The following PARD6A variants were observed in gnomAD, a reference collection of about 807,000 sequenced individuals.
PARD6A encodes par-6 family cell polarity regulator alpha, also known as partitioning defective 6 homolog alpha.
A neutral mutation model predicts 21.3 loss-of-function variants in PARD6A; 20 were observed. The ratio of observed to expected loss-of-function variants is 0.94; its 90% CI spans 0.66 to 1.36. The LOEUF (loss-of-function observed/expected upper bound fraction) is 1.36. PARD6A is among the 40% of genes most tolerant of loss of function. The probability of loss-of-function intolerance (pLI) is 0.00; values close to 1 mark genes in which losing one functional copy is unlikely to be tolerated. For missense variants in PARD6A, 411 were observed against 482.0 expected, an observed-to-expected ratio of 0.85 and a Z score of 1.38; for synonymous variants, 214 against 204.8, an observed-to-expected ratio of 1.04 and a Z score of -0.38.
In PARD6A at chr16:67,661,259, T is replaced by A; in HGVS notation, c.63+158T>A. On this transcript the variant is annotated intron_variant, in intron 1 of 2. Coordinates refer to ENST00000458121, the MANE Select transcript of PARD6A (RefSeq NM_001037281.2). The surrounding 1 kb of genome is among the most constrained non-coding windows in gnomAD (Gnocchi z 7.0). ...TCCGTCTTCCTTCCTCCACTGCTGG[T>A]CTCCAGCTCTCTGTGGCCTGAGTAC... 1.0e-6 allele frequency: 1 copy of A among 988,568 alleles called. No individual in the cohort carries two copies. Among genetic ancestry groups the A allele is most frequent in the Non-Finnish European group, 1.5e-6 (1 of 659,774 alleles). 61.2% of individuals were successfully genotyped at this position (988,568 alleles called of 1,614,324 possible). A position where few individuals can be genotyped will look rare whatever the true frequency, so the allele number is the denominator to read the frequency against.
At position 67,662,264 on chromosome 16, in the gene PARD6A, G is replaced by A. The variant is rs2142981844; in HGVS notation, c.655G>A (p.Gly219Ser). 6.2e-7 allele frequency: 1 copy of A among 1,614,164 alleles called. No homozygotes were observed. Among genetic ancestry groups the A allele is most frequent in the East Asian group, 2.2e-5 (1 of 44,888 alleles). ...CAGTGATGAGATCCTCGAGGTCAATGGCATTGAAGTAGCCGGGAAGACCTT... is the reference window on the plus strand; with the variant it reads ...CAGTGATGAGATCCTCGAGGTCAATAGCATTGAAGTAGCCGGGAAGACCTT... ...AVSDEILEVN[G>S]IEVAGKTLDQ... The change falls in exon 3 of 3, where the codon GGC becomes AGC. Residue 219 changes from glycine (G) to serine (S), a missense_variant. Transcript: ENST00000458121. The surrounding 1 kb of genome is among the most constrained non-coding windows in gnomAD (Gnocchi z 6.9).
Position 67,662,329 on chromosome 16 carries a change from C to T in PARD6A, c.720C>T (p.Asn240=). ...VTDMMVANSH[N]LIVTVKPANQ... ...ACATGATGGTTGCCAACAGCCATAACCTCATTGTCACTGTCAAGCCCGCCA... is the reference window on the plus strand; with the variant it reads ...ACATGATGGTTGCCAACAGCCATAATCTCATTGTCACTGTCAAGCCCGCCA... Residue 240 remains asparagine (N), a synonymous_variant, in exon 3 of 3, where the codon AAC becomes AAT. Transcript: ENST00000458121. The surrounding 1 kb of genome is among the most constrained non-coding windows in gnomAD (Gnocchi z 6.9). 6 of 1,614,120 alleles carry T rather than the reference C, an allele frequency of 3.7e-6. 1 individual carries two copies. Among genetic ancestry groups the T allele is most frequent in the East Asian group, 4.5e-5 (2 of 44,886 alleles).
Position 67,661,200 on chromosome 16 carries a change from A to T in PARD6A, c.63+99A>T, listed in dbSNP as rs1024575777. The T allele has an allele frequency of 3.5e-6, 4 of 1,150,872 alleles. No homozygotes were observed. In the African/African-American group the frequency reaches 4.5e-5, roughly 13 times the overall value. The allele number at this position is 1,150,872 out of a possible 1,614,324, so 71.3% of individuals were successfully genotyped here. On this transcript the variant is annotated intron_variant, in intron 1 of 2. Transcript: ENST00000458121. This position sits in a 1 kb window ranked among gnomAD's most constrained non-coding sequence, Gnocchi z 7.0. The stretch of plus-strand genomic sequence containing the variant: ...CGCCACCTCTTCCCTCTATCCTCCA[A>T]GTCCCATTCTGCTTTTCTGCTCGCC...
rs767507409 is a variant in PARD6A at position 67,661,658 on chromosome 16, C to T, written c.267C>T (p.Arg89=). ...RALASGPPPL[R]LLVQKREADS... is the part of the protein sequence containing the mutation. ...TGGCCAGCGGGCCCCCGCCACTGCGCCTACTGGTGCAGAAGCGGGGTGAGG... is the reference window on the plus strand; with the variant it reads ...TGGCCAGCGGGCCCCCGCCACTGCGTCTACTGGTGCAGAAGCGGGGTGAGG... The change falls in exon 2 of 3, where the codon CGC becomes CGT. Residue 89 remains arginine (R), a synonymous_variant. Transcript: ENST00000458121. This position sits in a 1 kb window ranked among gnomAD's most constrained non-coding sequence, Gnocchi z 7.0. 6.2e-7 allele frequency: 1 copy of T among 1,608,780 alleles called. No individual in the cohort carries two copies. Among genetic ancestry groups the T allele is most frequent in the South Asian group, 1.1e-5 (1 of 91,048 alleles).
In PARD6A at chr16:67,661,641, G is replaced by T; in HGVS notation, c.250G>T (p.Gly84Trp). Residue 84 changes from glycine to tryptophan, a missense_variant, in exon 2 of 3, where the codon GGG becomes TGG. Coordinates refer to ENST00000458121, the MANE Select transcript of PARD6A (RefSeq NM_001037281.2). This position sits in a 1 kb window ranked among gnomAD's most constrained non-coding sequence, Gnocchi z 7.0. ...CAGCCTGCACCGGGCCCTGGCCAGCGGGCCCCCGCCACTGCGCCTACTGGT... is the reference window on the plus strand; with the variant it reads ...CAGCCTGCACCGGGCCCTGGCCAGCTGGCCCCCGCCACTGCGCCTACTGGT... ...DDSLHRALAS[G>W]PPPLRLLVQK... 1 of 1,566,052 alleles carries T rather than the reference G, an allele frequency of 6.4e-7. No individual in the cohort carries two copies. Among genetic ancestry groups the T allele is most frequent in the African/African-American group, 1.3e-5 (1 of 74,236 alleles).
chr16:67,662,376 G>A lies in PARD6A; in HGVS notation c.767G>A (p.Arg256Gln), dbSNP rs765801423. The A allele has an allele frequency of 1.2e-6, 2 of 1,614,098 alleles. No homozygotes were observed. The highest frequency in any genetic ancestry group is 1.1e-5 in the South Asian group (1 of 91,086). The change falls in exon 3 of 3, where the codon CGA (arginine) becomes CAA (glutamine). Residue 256 changes from arginine (R) to glutamine (Q), a missense_variant. Transcript: ENST00000458121. This position sits in a 1 kb window ranked among gnomAD's most constrained non-coding sequence, Gnocchi z 6.9. ...KPANQRNNVV[R>Q]GASGRLTGPP... ...GCCAACCAGCGCAATAACGTGGTGC[G>A]AGGGGCATCTGGGCGTTTGACAGGT... is the stretch of plus-strand genomic sequence containing the variant.
Position 67,661,904 on chromosome 16 carries a change from T to G in PARD6A, c.295T>G (p.Ser99Ala). The change falls in exon 3 of 3, where the codon TCC (serine) becomes GCC (alanine). Residue 99 changes from serine to alanine, a missense_variant. Transcript: ENST00000458121. The surrounding 1 kb of genome is among the most constrained non-coding windows in gnomAD (Gnocchi z 7.0). ...CCCCTCTTCTGCAGCAGAAGCTGAC[T>G]CCAGCGGCCTGGCTTTTGCCTCCAA... ...RLLVQKREADSSGLAFASNSL... is the reference protein window; with the variant it reads ...RLLVQKREADASGLAFASNSL... 6.3e-7 allele frequency: 1 copy of G among 1,593,528 alleles called. No homozygotes were observed. Among genetic ancestry groups the G allele is most frequent in the Non-Finnish European group, 8.5e-7 (1 of 1,172,876 alleles).
chr16:67,662,606 G>A lies in PARD6A; in HGVS notation c.997G>A (p.Gly333Arg). 1 of 1,605,300 alleles carries A rather than the reference G, an allele frequency of 6.2e-7. No homozygotes were observed. The highest frequency in any genetic ancestry group is 8.5e-7 in the Non-Finnish European group (1 of 1,175,860). The change falls in exon 3 of 3, where the codon GGG (glycine) becomes AGG (arginine). Residue 333 changes from glycine to arginine, a missense_variant. By Grantham distance (125) the Gly-to-Arg change is moderately radical. Transcript: ENST00000458121. The surrounding 1 kb of genome is among the most constrained non-coding windows in gnomAD (Gnocchi z 6.9). ...DDQEQASSGW[G>R]SRIRGDGSGF... ...CCAGGAGCAGGCCAGTTCTGGCTGG[G>A]GGAGTCGCATTCGAGGAGATGGTAG...
rs2053047914 is a variant in PARD6A at position 67,662,759 on chromosome 16, G to T, written c.*112G>T. 1 of 1,040,682 alleles carries T rather than the reference G, an allele frequency of 9.6e-7. No individual in the cohort carries two copies. Among genetic ancestry groups the T allele is most frequent in the African/African-American group, 1.6e-5 (1 of 62,290 alleles). The allele number at this position is 1,040,682 out of a possible 1,614,324, so 64.5% of individuals were successfully genotyped here. A position where few individuals can be genotyped will look rare whatever the true frequency, so the allele number is the denominator to read the frequency against. ...TCCCTCAGCCTGGGGAACATTAAAG[G>T]TTTTCTACAAATACAGTCATGGTCC... On this transcript the variant is annotated 3_prime_UTR_variant, in exon 3 of 3. Transcript: ENST00000458121. This position sits in a 1 kb window ranked among gnomAD's most constrained non-coding sequence, Gnocchi z 6.9.
chr16:67,661,988 C>A lies in PARD6A; in HGVS notation c.379C>A (p.Arg127=). The change falls in exon 3 of 3, where the codon CGG becomes AGG. Residue 127 remains arginine, a synonymous_variant. Coordinates refer to ENST00000458121, the MANE Select transcript of PARD6A (RefSeq NM_001037281.2). This position sits in a 1 kb window ranked among gnomAD's most constrained non-coding sequence, Gnocchi z 7.0. ...LLRPVAPLRT[R]PPLLISLPQD... is the part of the protein sequence containing the mutation. ...GCGGCCAGTGGCACCCCTGCGCACC[C>A]GGCCACCCTTGCTAATCAGCCTGCC... is the stretch of plus-strand genomic sequence containing the variant. The A allele has an allele frequency of 6.2e-7, 1 of 1,613,332 alleles. No individual in the cohort carries two copies. The highest frequency in any genetic ancestry group is 8.5e-7 in the Non-Finnish European group (1 of 1,180,020).
rs1430335820 is a variant in PARD6A, at chr16:67,662,389, G to T, written c.780G>T (p.Gly260=). The T allele has an allele frequency of 6.2e-7, 1 of 1,614,086 alleles. No individual in the cohort carries two copies. The highest frequency in any genetic ancestry group is 8.5e-7 in the Non-Finnish European group (1 of 1,180,028). The change falls in exon 3 of 3, where the codon GGG becomes GGT. Residue 260 remains glycine, a synonymous_variant. Coordinates refer to ENST00000458121, the MANE Select transcript of PARD6A (RefSeq NM_001037281.2). This position sits in a 1 kb window ranked among gnomAD's most constrained non-coding sequence, Gnocchi z 6.9. ...QRNNVVRGAS[G]RLTGPPSAGP... ...ATAACGTGGTGCGAGGGGCATCTGG[G>T]CGTTTGACAGGTCCTCCCTCTGCAG...
rs1309879920 is a variant in PARD6A, at chr16:67,662,390, C to A, written c.781C>A (p.Arg261Ser). The part of the protein sequence containing the change: ...RNNVVRGASG[R>S]LTGPPSAGPG... ...TAACGTGGTGCGAGGGGCATCTGGG[C>A]GTTTGACAGGTCCTCCCTCTGCAGG... The change falls in exon 3 of 3, where the codon CGT becomes AGT. Residue 261 changes from arginine (R) to serine (S), a missense_variant. Transcript: ENST00000458121. The surrounding 1 kb of genome is among the most constrained non-coding windows in gnomAD (Gnocchi z 6.9). The A allele has an allele frequency of 1.2e-6, 2 of 1,614,052 alleles. No individual in the cohort carries two copies. The highest frequency in any genetic ancestry group is 1.7e-6 in the Non-Finnish European group (2 of 1,180,016).
At position 67,661,926 on chromosome 16, in the gene PARD6A, C is replaced by G. The variant is rs752339028; in HGVS notation, c.317C>G (p.Ser106Cys). 2 of 1,606,780 alleles carry G rather than the reference C, an allele frequency of 1.2e-6. No individual in the cohort carries two copies. The highest frequency in any genetic ancestry group is 1.3e-5 in the African/African-American group (1 of 75,002). ...EADSSGLAFASNSLQRRKKGL... is the reference protein window; with the variant it reads ...EADSSGLAFACNSLQRRKKGL... ...GACTCCAGCGGCCTGGCTTTTGCCT[C>G]CAACTCTCTGCAGCGGCGCAAGAAA... Residue 106 changes from serine to cysteine, a missense_variant, in exon 3 of 3, where the codon TCC becomes TGC. Ser to Cys is a moderately radical substitution (Grantham distance 112). Coordinates refer to ENST00000458121, the MANE Select transcript of PARD6A (RefSeq NM_001037281.2). The surrounding 1 kb of genome is among the most constrained non-coding windows in gnomAD (Gnocchi z 7.0).
In PARD6A at chr16:67,662,607, G is replaced by T. The variant is rs766459239; in HGVS notation, c.998G>T (p.Gly333Val). ...CAGGAGCAGGCCAGTTCTGGCTGGG[G>T]GAGTCGCATTCGAGGAGATGGTAGT... ...DDQEQASSGWGSRIRGDGSGF... is the reference protein window; with the variant it reads ...DDQEQASSGWVSRIRGDGSGF... Residue 333 changes from glycine (G) to valine (V), a missense_variant, in exon 3 of 3, where the codon GGG (glycine) becomes GTG (valine). Physicochemically the swap from Gly to Val is moderately radical, Grantham distance 109. Coordinates refer to ENST00000458121, the MANE Select transcript of PARD6A (RefSeq NM_001037281.2). The surrounding 1 kb of genome is among the most constrained non-coding windows in gnomAD (Gnocchi z 6.9). 7 of 1,604,676 alleles carry T rather than the reference G, an allele frequency of 4.4e-6. No homozygotes were observed. The South Asian group carries it at 7.8e-5, about 18-fold the overall frequency.
At position 67,661,080 on chromosome 16, in the gene PARD6A, C is replaced by T; in HGVS notation, c.42C>T (p.Ser14=). ...PQRTPARSPD[S]IVEVKSKFDA... ...GGACTCCGGCGCGCAGTCCCGATAG[C>T]ATCGTCGAGGTGAAGAGCAAAGTAA... Residue 14 remains serine (S), a synonymous_variant, in exon 1 of 3, where the codon AGC becomes AGT. Transcript: ENST00000458121. This position sits in a 1 kb window ranked among gnomAD's most constrained non-coding sequence, Gnocchi z 7.0. 1 of 1,609,030 alleles carries T rather than the reference C, an allele frequency of 6.2e-7. No homozygotes were observed. The highest frequency in any genetic ancestry group is 2.2e-5 in the East Asian group (1 of 44,604).
Position 67,662,439 on chromosome 16 carries a change from G to A in PARD6A, c.830G>A (p.Ser277Asn). 1 of 1,613,762 alleles carries A rather than the reference G, an allele frequency of 6.2e-7. No homozygotes were observed. The highest frequency in any genetic ancestry group is 8.5e-7 in the Non-Finnish European group (1 of 1,179,926). ...SAGPGPAEPD[S>N]DDDSSDLVIE... Reference sequence around the variant, plus strand: ...GGGCCTGGGCCTGCTGAGCCTGATAGTGACGATGACAGCAGTGACCTGGTC... The same window carrying A: ...GGGCCTGGGCCTGCTGAGCCTGATAATGACGATGACAGCAGTGACCTGGTC... The change falls in exon 3 of 3, where the codon AGT (serine) becomes AAT (asparagine). Residue 277 changes from serine (S) to asparagine (N), a missense_variant. Ser to Asn is a conservative substitution (Grantham distance 46). Coordinates refer to ENST00000458121, the MANE Select transcript of PARD6A (RefSeq NM_001037281.2). This position sits in a 1 kb window ranked among gnomAD's most constrained non-coding sequence, Gnocchi z 6.9.
At position 67,661,227 on chromosome 16, in the gene PARD6A, T is replaced by C; in HGVS notation, c.63+126T>C. Reference sequence around the variant, plus strand: ...TCCCATTCTGCTTTTCTGCTCGCCTTCCCCCATCCGTCTTCCTTCCTCCAC... The same window carrying C: ...TCCCATTCTGCTTTTCTGCTCGCCTCCCCCCATCCGTCTTCCTTCCTCCAC... On this transcript the variant is annotated intron_variant, in intron 1 of 2. Coordinates refer to ENST00000458121, the MANE Select transcript of PARD6A (RefSeq NM_001037281.2). This position sits in a 1 kb window ranked among gnomAD's most constrained non-coding sequence, Gnocchi z 7.0. 1.9e-6 allele frequency: 2 copies of C among 1,057,156 alleles called. No homozygotes were observed. Among genetic ancestry groups the C allele is most frequent in the African/African-American group, 3.1e-5 (2 of 64,286 alleles). 65.5% of individuals were successfully genotyped at this position (1,057,156 alleles called of 1,614,324 possible). A position where few individuals can be genotyped will look rare whatever the true frequency, so the allele number is the denominator to read the frequency against.
At position 67,660,995 on chromosome 16, in the gene PARD6A, G is replaced by T; in HGVS notation, c.-44G>T. On this transcript the variant is annotated 5_prime_UTR_variant, in exon 1 of 3. Coordinates refer to ENST00000458121, the MANE Select transcript of PARD6A (RefSeq NM_001037281.2). ...CGGCCGGGCTGTGCACCTGCGCCTC[G>T]GCGGGCCGCCTGGGGCACCGTCCCC... 9.3e-7 allele frequency: 1 copy of T among 1,070,732 alleles called. No individual in the cohort carries two copies. The highest frequency in any genetic ancestry group is 1.2e-6 in the Non-Finnish European group (1 of 853,492). The allele number at this position is 1,070,732 out of a possible 1,614,324, so 66.3% of individuals were successfully genotyped here.
At position 67,661,158 on chromosome 16, in the gene PARD6A, C is replaced by T; in HGVS notation, c.63+57C>T. On this transcript the variant is annotated intron_variant, in intron 1 of 2. Coordinates refer to ENST00000458121, the MANE Select transcript of PARD6A (RefSeq NM_001037281.2). The surrounding 1 kb of genome is among the most constrained non-coding windows in gnomAD (Gnocchi z 7.0). ...CTCCCAATTCCCTCTTTCTCCCCTTCCCAGCTCCTTGGTCCCCGCCACCTC... is the reference window on the plus strand; with the variant it reads ...CTCCCAATTCCCTCTTTCTCCCCTTTCCAGCTCCTTGGTCCCCGCCACCTC... 1.4e-6 allele frequency: 2 copies of T among 1,422,568 alleles called. No homozygotes were observed. Among genetic ancestry groups the T allele is most frequent in the East Asian group, 2.3e-5 (1 of 43,816 alleles). 88.1% of individuals were successfully genotyped at this position (1,422,568 alleles called of 1,614,324 possible).
Sources: allele counts gnomAD v4.1 joint callset, GRCh38; gene constraint gnomAD v4.1.1; non-coding constraint Gnocchi (gnomAD v3.1); transcripts MANE v1.5; gene names NCBI Gene and HGNC (gene_info 2026-07-23, HGNC 2026-07-21).